The following EXOC6 variants were observed in gnomAD, a reference collection of about 807,000 sequenced individuals.
EXOC6 encodes the protein exocyst complex component 6, also known as SEC15-like 1.
A neutral mutation model predicts 112.5 loss-of-function variants in EXOC6; 60 were observed. The ratio of observed to expected loss-of-function variants is 0.53; its 90% CI spans 0.43 to 0.66. EXOC6 has a LOEUF of 0.66. Among genes scored for constraint, EXOC6 ranks in the 30% least tolerant of loss-of-function variants. The probability of loss-of-function intolerance (pLI) is 0.00; values close to 1 mark genes in which losing one functional copy is unlikely to be tolerated. For missense variants in EXOC6, 855 were observed against 957.1 expected, an observed-to-expected ratio of 0.89 and a Z score of 1.41; for synonymous variants, 295 against 308.0, an observed-to-expected ratio of 0.96 and a Z score of 0.44.
intron 1 of EXOC6, among the ~76,000 whole-genome samples, chr10:92,841,638 A>G (rs1200857822): frequency 6.6e-6 from 1 of 152,206 alleles, no homozygotes; most frequent in Non-Finnish European, 1.5e-5. Flanking sequence ...TTTAAGTGAT[A>G]TCATTAGCTA....
At position 92,896,081 on chromosome 10, in the gene EXOC6, GTGTA is replaced by G. The variant is rs1564809527; in HGVS notation, c.412+1063_412+1066del. Among the ~76,000 whole-genome samples the G allele has an allele frequency of 3.2e-4, 27 of 84,368 alleles. 1 individual carries two copies. Among genetic ancestry groups the G allele is most frequent in the South Asian group, 4.4e-4 (1 of 2,266 alleles). 55.3% of individuals were successfully genotyped at this position (84,368 alleles called of 152,430 possible). On this transcript the variant is annotated intron_variant, in intron 4 of 21. Coordinates refer to ENST00000260762, the MANE Select transcript of EXOC6 (RefSeq NM_019053.6). ...TGTGTATATATATGTGTATATATAT[GTGTA>G]TATATATATGTGTGTATATATATGT...
At chr10:92,833,482 G>A (rs556682548), upstream of EXOC6, among the ~76,000 whole-genome samples, 7 of 152,314 alleles carry the variant, frequency 4.6e-5, no homozygotes, top group South Asian at 1.4e-3. Context: ...GCCAGCAGAA[G>A]TCACATGGCT....
chr10:92,866,412 A>G (rs1405123782), intron 1 of EXOC6, among the ~76,000 whole-genome samples: 1 of 152,180 alleles, frequency 6.6e-6, no homozygotes, highest in African/African-American at 2.4e-5. Flanking sequence ...TAGCCTTTAT[A>G]TAACATATAA....
At chr10:92,968,185 T>C (rs1181331711) in intron 17 of EXOC6, among the ~76,000 whole-genome samples, 2 of 47,438 alleles carry the variant, frequency 4.2e-5, no homozygotes, top group Admixed American at 3.2e-4. Flanking sequence ...GTTTCACCTT[T>C]TTTTTTTTTT....
At chr10:92,973,568 C>A (rs1842380023) in intron 17 of EXOC6, among the ~76,000 whole-genome samples, 1 of 152,178 alleles carries the variant, frequency 6.6e-6, no homozygotes, top group South Asian at 2.1e-4. Context: ...TTGTTTCTTT[C>A]TTCTCAGAGA....
chr10:92,979,827 G>A (rs1481682241), intron 18 of EXOC6, among the ~76,000 whole-genome samples: 1 of 151,054 alleles, frequency 6.6e-6, no homozygotes, highest in Non-Finnish European at 1.5e-5. Context: ...AGCCCAGGAG[G>A]CGGAGGCTTT....
At chr10:92,957,872 G>C (rs1250333036) in intron 17 of EXOC6, among the ~76,000 whole-genome samples, 1 of 152,134 alleles carries the variant, frequency 6.6e-6, no homozygotes, top group Non-Finnish European at 1.5e-5. Flanking sequence ...AAAAACGATT[G>C]AAGTACAGTC....
chr10:93,041,048 T>C (rs1348164022), intron 20 of EXOC6, among the ~76,000 whole-genome samples: 1 of 152,242 alleles, frequency 6.6e-6, no homozygotes, highest in Non-Finnish European at 1.5e-5. Context: ...CCGCATGCTG[T>C]GTGACCAAAG....
At chr10:92,855,484 T>G (rs1359298087) in intron 1 of EXOC6, among the ~76,000 whole-genome samples, 1 of 152,198 alleles carries the variant, frequency 6.6e-6, no homozygotes, top group African/African-American at 2.4e-5. Flanking sequence ...TGTGAATGAT[T>G]AATGTTAATT....
At chr10:92,968,774 C>T (rs941083961) in intron 17 of EXOC6, among the ~76,000 whole-genome samples, 2 of 152,126 alleles carry the variant, frequency 1.3e-5, no homozygotes, top group African/African-American at 2.4e-5. Context: ...CAAAACAGCC[C>T]TGTGAGATGG....
chr10:92,939,216 C>G (rs746594517), intron 12 of EXOC6, among the ~76,000 whole-genome samples: 23 of 152,034 alleles, frequency 1.5e-4, no homozygotes, highest in Non-Finnish European at 2.8e-4. Context: ...TTTTGAGAAT[C>G]TGGGAAATAG....
At chr10:92,988,668 A>G (rs1036530560) in intron 18 of EXOC6, among the ~76,000 whole-genome samples, 1 of 152,126 alleles carries the variant, frequency 6.6e-6, no homozygotes, top group Non-Finnish European at 1.5e-5. Flanking sequence ...CTTTCCACAT[A>G]TATTTCTGAG....
At chr10:92,863,238 C>T (rs1267960237) in intron 1 of EXOC6, among the ~76,000 whole-genome samples, 1 of 152,232 alleles carries the variant, frequency 6.6e-6, no homozygotes, top group South Asian at 2.1e-4. Context: ...TCTCCAGGGA[C>T]TTCCCATAAA....
chr10:92,885,823 A>G (rs1016781018), intron 1 of EXOC6, among the ~76,000 whole-genome samples: 1 of 151,776 alleles, frequency 6.6e-6, no homozygotes. Context: ...AACAAATTTT[A>G]TTTTATTTAT....
intron 17 of EXOC6, among the ~76,000 whole-genome samples, chr10:92,958,348 C>A (rs917809427): frequency 6.6e-6 from 1 of 152,186 alleles, no homozygotes; most frequent in Non-Finnish European, 1.5e-5. Flanking sequence ...TTCTCTTTGG[C>A]ATCAGGGATC....
At chr10:92,956,590 A>G (rs759431456) in intron 17 of EXOC6, among the ~76,000 whole-genome samples, 3 of 152,162 alleles carry the variant, frequency 2.0e-5, no homozygotes, top group Non-Finnish European at 4.4e-5. Flanking sequence ...CTGGGATCCT[A>G]GAATTACCTG....
intron 18 of EXOC6, among the ~76,000 whole-genome samples, chr10:92,975,069 C>A (rs1463048292): frequency 6.6e-6 from 1 of 151,276 alleles, no homozygotes; most frequent in Non-Finnish European, 1.5e-5. Flanking sequence ...GCTGCCCAGT[C>A]TGGAAAGTGA....
At chr10:92,855,309 A>G (rs1847547567) in intron 1 of EXOC6, among the ~76,000 whole-genome samples, 1 of 151,886 alleles carries the variant, frequency 6.6e-6, no homozygotes, top group Non-Finnish European at 1.5e-5. Context: ...CAGTTCTCCC[A>G]CCTCAGCCTC....
chr10:92,975,320 C>T (rs1842478052), intron 18 of EXOC6, among the ~76,000 whole-genome samples: 1 of 151,376 alleles, frequency 6.6e-6, no homozygotes. Context: ...TGAGGAGACC[C>T]TCTGCCTGGC....
Sources: gnomAD v4.1 joint callset for allele counts (sites outside exome capture counted in the v4.1 genomes callset) on GRCh38, gnomAD v4.1.1 for gene constraint, MANE v1.5 for transcripts, NCBI Gene and HGNC (gene_info 2026-07-23, HGNC 2026-07-21) for gene names.